Variants in CALN1 observed in about 807,000 individuals in gnomAD.
The protein encoded by CALN1 is calcium-binding protein 8.
A neutral mutation model predicts 30.6 loss-of-function variants in CALN1; 17 were observed. That is an observed-to-expected ratio of 0.56 (90% confidence interval 0.38 to 0.83). The LOEUF (loss-of-function observed/expected upper bound fraction) is 0.83, where lower values mean the gene tolerates loss of function less well. Ranked by LOEUF, CALN1 falls within the 40% of genes least tolerant of loss-of-function variation. The probability of loss-of-function intolerance (pLI) is 0.00; values close to 1 mark genes in which losing one functional copy is unlikely to be tolerated. For missense variants in CALN1, 291 were observed against 354.9 expected, an observed-to-expected ratio of 0.82 and a Z score of 1.45; for synonymous variants, 156 against 131.4, an observed-to-expected ratio of 1.19 and a Z score of -1.28.
intron 3 of CALN1, among the ~76,000 whole-genome samples, chr7:72,258,916 A>G (rs1434937441): frequency 2.0e-5 from 3 of 150,902 alleles, no homozygotes; most frequent in Non-Finnish European, 4.4e-5. Flanking sequence ...AAAAAGAAAG[A>G]AAGAAAGAAA....
chr7:72,110,514 C>T (rs988042368), intron 3 of CALN1, among the ~76,000 whole-genome samples: 19 of 152,214 alleles, frequency 1.2e-4, no homozygotes, highest in African/African-American at 4.3e-4. Flanking sequence ...TTTTCTGTGG[C>T]ATGCAGGTAA....
chr7:72,006,715 T>C (rs1351081134), intron 5 of CALN1, among the ~76,000 whole-genome samples: 1 of 152,086 alleles, frequency 6.6e-6, no homozygotes, highest in Non-Finnish European at 1.5e-5. Context: ...TATTTATAGG[T>C]ATAAATGGTA....
chr7:72,215,060 G>A (rs1468546158), intron 3 of CALN1, among the ~76,000 whole-genome samples: 1 of 152,014 alleles, frequency 6.6e-6, no homozygotes, highest in Non-Finnish European at 1.5e-5. Context: ...TAAATGGAAT[G>A]CACATGAATC....
In CALN1 at chr7:71,791,301, C is replaced by A. The variant is rs376723707; in HGVS notation, c.659-3399G>T. Among the ~76,000 whole-genome samples the A allele has an allele frequency of 5.3e-5, 8 of 152,192 alleles. No homozygotes were observed. The East Asian group carries it at 1.2e-3, about 22-fold the overall frequency. ...TCTTTATGGTAAAGCAATTTATGTTCCTTTAGATATATACCCAATAATGGG... is the reference window on the plus strand; with the variant it reads ...TCTTTATGGTAAAGCAATTTATGTTACTTTAGATATATACCCAATAATGGG... On this transcript the variant is annotated intron_variant, in intron 6 of 6. Transcript: ENST00000395275.
the CALN1 span, among the ~76,000 whole-genome samples, chr7:72,455,750 C>G: frequency 3.9e-5 from 6 of 152,028 alleles, no homozygotes; most frequent in African/African-American, 1.4e-4. Flanking sequence ...GAATGAGCTC[C>G]AAGATTCCCA....
the CALN1 span, among the ~76,000 whole-genome samples, chr7:72,460,952 G>A: frequency 3.3e-5 from 5 of 152,072 alleles, no homozygotes; most frequent in African/African-American, 1.2e-4. Context: ...TCAAGGTTTC[G>A]AAGGATTTGC....
intron 5 of CALN1, among the ~76,000 whole-genome samples, chr7:71,847,694 G>GGAAGAAGAAAGAAGAAAGAAGAAA (rs1193730803): frequency 7.9e-6 from 1 of 125,792 alleles, no homozygotes; most frequent in South Asian, 2.8e-4. Context: ...AAAAAAAGGA[G>GGAAGAAGAAAGAAGAAAGAAGAAA]GAAGAAGAAA....
At chr7:71,790,275 A>G in intron 6 of CALN1, among the ~76,000 whole-genome samples, 1 of 151,516 alleles carries the variant, frequency 6.6e-6, no homozygotes, top group Non-Finnish European at 1.5e-5. Context: ...CAAGAAAGCA[A>G]GCAAGAAAGA....
intron 2 of CALN1, among the ~76,000 whole-genome samples, chr7:72,331,483 C>T (rs971506561): frequency 1.3e-5 from 2 of 152,164 alleles, no homozygotes; most frequent in Non-Finnish European, 2.9e-5. Context: ...CTCTGAGCAT[C>T]TTGAATGCAG....
intron 4 of CALN1, among the ~76,000 whole-genome samples, chr7:72,068,730 A>G (rs844754): frequency 0.012 from 1,795 of 152,262 alleles, 37 homozygotes; most frequent in African/African-American, 0.041. Flanking sequence ...GCCTCAAGTG[A>G]TCTGCCTGCC....
intron 4 of CALN1, among the ~76,000 whole-genome samples, chr7:72,027,478 A>G (rs1435018835): frequency 1.3e-5 from 2 of 152,078 alleles, no homozygotes; most frequent in African/African-American, 4.8e-5. Flanking sequence ...TGGGAGGCCG[A>G]GGAGGGTGGA....
chr7:72,408,592 A>G (rs548460337), intron 1 of CALN1, among the ~76,000 whole-genome samples: 15 of 151,734 alleles, frequency 9.9e-5, no homozygotes, highest in African/African-American at 3.6e-4. Context: ...AATTCATGGG[A>G]TACAAGTGCA....
intron 4 of CALN1, among the ~76,000 whole-genome samples, chr7:72,092,571 A>T (rs1278570893): frequency 2.0e-5 from 3 of 146,436 alleles, no homozygotes; most frequent in Non-Finnish European, 4.5e-5. Flanking sequence ...TCTTCATGGT[A>T]CTTCTAAGAA....
At chr7:72,116,945 A>T (rs1383219598) in intron 3 of CALN1, among the ~76,000 whole-genome samples, 1 of 152,216 alleles carries the variant, frequency 6.6e-6, no homozygotes, top group African/African-American at 2.4e-5. Flanking sequence ...GACATAAATT[A>T]ATACATGGAA....
chr7:71,818,712 ATTTATTTATTTT>A (rs1295455091), intron 5 of CALN1, among the ~76,000 whole-genome samples: 32 of 145,604 alleles, frequency 2.2e-4, no homozygotes, highest in African/African-American at 8.2e-4. Context: ...TTATTTATTT[ATTTATTTATTTT>A]TTTGAGCTGG....
intron 3 of CALN1, among the ~76,000 whole-genome samples, chr7:72,266,519 T>A (rs573612940): frequency 6.6e-6 from 1 of 152,322 alleles, no homozygotes; most frequent in Non-Finnish European, 1.5e-5. Context: ...AGCCAATGTG[T>A]TCCTTTAAGG....
intron 5 of CALN1, among the ~76,000 whole-genome samples, chr7:71,993,010 CATTGGAGAAGAAAGAGA>C (rs1442689735): frequency 9.7e-6 from 1 of 103,588 alleles, no homozygotes; most frequent in African/African-American, 7.7e-5. Flanking sequence ...GAAAGAGAAC[CATTGGAGAAGAAAGAGA>C]ACCATTGGAG....
chr7:72,315,956 G>A (rs1175853548), intron 2 of CALN1, among the ~76,000 whole-genome samples: 1 of 151,842 alleles, frequency 6.6e-6, no homozygotes. Context: ...AGACCAGCCT[G>A]GCCAACATGG....
intron 5 of CALN1, among the ~76,000 whole-genome samples, chr7:72,021,215 C>T (rs1036992580): frequency 2.0e-5 from 3 of 152,030 alleles, no homozygotes; most frequent in African/African-American, 7.2e-5. Flanking sequence ...TTCAAGGCTG[C>T]AGTGAGCTAT....
Sources: allele counts gnomAD v4.1 joint callset (sites outside exome capture counted in the v4.1 genomes callset), GRCh38; gene constraint gnomAD v4.1.1; transcripts MANE v1.5; gene names NCBI Gene and HGNC (gene_info 2026-07-23, HGNC 2026-07-21).